Variants in SULF1 observed in about 807,000 individuals in gnomAD.
SULF1 encodes sulfatase 1, also known as extracellular sulfatase Sulf-1.
SULF1 carries 46 observed loss-of-function variants against 110.5 expected under a neutral mutation model. The ratio of observed to expected loss-of-function variants is 0.42; its 90% CI spans 0.33 to 0.53. The LOEUF is 0.53. Ranked by LOEUF, SULF1 falls within the 20% of genes least tolerant of loss-of-function variation. The pLI is 0.12. For synonymous variants in SULF1, 371 were observed against 387.1 expected, an observed-to-expected ratio of 0.96 and a Z score of 0.49; for missense variants, 941 against 1,094.2, an observed-to-expected ratio of 0.86 and a Z score of 1.98.
At chr8:69,500,056 CATT>C (rs1810687314) in intron 2 of SULF1, among the ~76,000 whole-genome samples, 1 of 152,146 alleles carries the variant, frequency 6.6e-6, no homozygotes, top group South Asian at 2.1e-4. Flanking sequence ...CTGGCCTACA[CATT>C]ATCATTTTAA....
At chr8:69,552,157 C>A (rs1814768848) in intron 3 of SULF1, among the ~76,000 whole-genome samples, 1 of 152,134 alleles carries the variant, frequency 6.6e-6, no homozygotes, top group Admixed American at 6.5e-5. Context: ...TTAACAAGAC[C>A]TCTAGATGAT....
chr8:69,650,547 T>C (rs1233369431), intron 22 of SULF1, among the ~76,000 whole-genome samples: 1 of 152,162 alleles, frequency 6.6e-6, no homozygotes, highest in Non-Finnish European at 1.5e-5. Context: ...GAGGCAGAGC[T>C]TGCAGTGAGC....
intron 1 of SULF1, among the ~76,000 whole-genome samples, chr8:69,486,270 G>A (rs1809702680): frequency 6.6e-6 from 1 of 151,834 alleles, no homozygotes; most frequent in Non-Finnish European, 1.5e-5. Flanking sequence ...TTCAGATTTT[G>A]TAATTCCTAT....
intron 15 of SULF1, among the ~76,000 whole-genome samples, chr8:69,624,710 A>G (rs979247128): frequency 1.3e-5 from 2 of 152,218 alleles, no homozygotes; most frequent in African/African-American, 4.8e-5. Context: ...TAGGTTACAA[A>G]TGGATGTAAG....
At chr8:69,564,622 T>C (rs1036525143) in intron 5 of SULF1, among the ~76,000 whole-genome samples, 3 of 152,246 alleles carry the variant, frequency 2.0e-5, no homozygotes, top group Non-Finnish European at 4.4e-5. Flanking sequence ...AAAGTTGCAG[T>C]GTTCTATATG....
At chr8:69,522,241 G>C (rs1812360120) in intron 3 of SULF1, among the ~76,000 whole-genome samples, 1 of 152,038 alleles carries the variant, frequency 6.6e-6, no homozygotes, top group Non-Finnish European at 1.5e-5. Flanking sequence ...AGTAGAGATG[G>C]GGTTTCACCA....
chr8:69,610,743 C>T (rs1272648701), intron 13 of SULF1, among the ~76,000 whole-genome samples: 1 of 152,242 alleles, frequency 6.6e-6, no homozygotes, highest in East Asian at 1.9e-4. Flanking sequence ...CTGTATAATA[C>T]AGCCCCATTC....
intron 6 of SULF1, 141 bp from the exon 7 acceptor site, chr8:69,586,216 C>A: frequency 1.4e-6 from 1 of 740,294 alleles, no homozygotes; most frequent in Non-Finnish European, 2.1e-6. Context: ...GAGTATTACA[C>A]TAATGTCATT....
At chr8:69,491,611 A>C (rs745416762), upstream of SULF1, among the ~76,000 whole-genome samples, 14 of 152,254 alleles carry the variant, frequency 9.2e-5, no homozygotes, top group Non-Finnish European at 1.5e-4. Flanking sequence ...TGTTTAACTT[A>C]TGCAAATTTA....
At chr8:69,627,426 C>CA (rs5892211) in intron 16 of SULF1, 120 bp downstream of exon 16, 288,319 of 540,656 alleles carry the variant, frequency 0.53, 50,935 homozygotes, top group African/African-American at 0.78. Context: ...TGAAAAAATA[C>CA]AAAAAAAAAA....
At chr8:69,590,935 A>ACC (rs928481332) in intron 8 of SULF1, among the ~76,000 whole-genome samples, 1 of 151,398 alleles carries the variant, frequency 6.6e-6, no homozygotes, top group African/African-American at 2.4e-5. Flanking sequence ...ATACCCCTGA[A>ACC]CCCCCCTGTT....
intron 8 of SULF1, among the ~76,000 whole-genome samples, chr8:69,596,086 G>T (rs368319819): frequency 6.6e-6 from 1 of 152,170 alleles, no homozygotes; most frequent in Non-Finnish European, 1.5e-5. Context: ...ATGATCCAGC[G>T]CACTGAGCAA....
intron 6 of SULF1, among the ~76,000 whole-genome samples, chr8:69,580,626 C>T (rs1391854359): frequency 6.6e-6 from 1 of 152,116 alleles, no homozygotes; most frequent in Non-Finnish European, 1.5e-5. Flanking sequence ...AATATTGATT[C>T]ATTTAACAAT....
rs1160944336 is a variant in SULF1 at position 69,604,989 on chromosome 8, G to C, written c.1377+57G>C. The C allele has an allele frequency of 1.9e-6, 3 of 1,595,134 alleles. No homozygotes were observed. In the African/African-American group the frequency reaches 4.1e-5, roughly 22 times the overall value. On this transcript the variant is annotated intron_variant, in intron 13 of 22. Coordinates refer to ENST00000402687, the MANE Select transcript of SULF1 (RefSeq NM_001128205.2). ...CATGTGCTTCTCCATCTCTAATTTA[G>C]AAAATTGTCCACATATAAAAGAATG...
chr8:69,657,385 C>T (rs947941128), intron 22 of SULF1, among the ~76,000 whole-genome samples: 2 of 152,212 alleles, frequency 1.3e-5, no homozygotes, highest in African/African-American at 2.4e-5. Context: ...TGCCTTCAAT[C>T]GTGCACAGGC....
chr8:69,653,960 T>G (rs1812536364), intron 22 of SULF1, among the ~76,000 whole-genome samples: 1 of 152,226 alleles, frequency 6.6e-6, no homozygotes, highest in Non-Finnish European at 1.5e-5. Flanking sequence ...AGAATTGCAT[T>G]CAGCCATCAA....
At chr8:69,592,651 G>C (rs1382697672) in intron 8 of SULF1, among the ~76,000 whole-genome samples, 1 of 152,210 alleles carries the variant, frequency 6.6e-6, no homozygotes, top group Non-Finnish European at 1.5e-5. Context: ...AATTAAGAGA[G>C]GCAGTGTAAG....
chr8:69,603,334 C>T lies in SULF1; in HGVS notation c.1190+14C>T, dbSNP rs753404844. Reference sequence around the variant, plus strand: ...GCCAGGTAACAGGTGTGTCATTGTTCCTCCTCTCAGCCAGCCCCAAATACA... The same window carrying T: ...GCCAGGTAACAGGTGTGTCATTGTTTCTCCTCTCAGCCAGCCCCAAATACA... On this transcript the variant is annotated intron_variant, in intron 11 of 22. Transcript: ENST00000402687. 9.3e-6 allele frequency: 15 copies of T among 1,613,868 alleles called. No homozygotes were observed. The highest frequency in any genetic ancestry group is 5.0e-5 in the Admixed American group (3 of 60,018).
At chr8:69,644,013 C>T (rs56282920) in intron 22 of SULF1, among the ~76,000 whole-genome samples, 1,821 of 152,302 alleles carry the variant, frequency 0.012, 22 homozygotes, top group South Asian at 0.032. Context: ...GTGGGGCAGG[C>T]GGTCAGTTCT....
Sources: gnomAD v4.1 joint callset for allele counts (sites outside exome capture counted in the v4.1 genomes callset) on GRCh38, gnomAD v4.1.1 for gene constraint, MANE v1.5 for transcripts, NCBI Gene and HGNC (gene_info 2026-07-23, HGNC 2026-07-21) for gene names.